ZNF236: variants seen among roughly 807,000 people sequenced by gnomAD.
ZNF236 encodes the protein regulated by glucose.
ZNF236 carries 50 observed loss-of-function variants against 191.2 expected under a neutral mutation model. The observed-to-expected ratio is 0.26, with a 90% CI of 0.21 to 0.33. ZNF236 has a LOEUF of 0.33. Ranked by LOEUF, ZNF236 falls within the 10% of genes least tolerant of loss-of-function variation. The pLI is 1.00. For missense variants in ZNF236, 1,754 were observed against 2,374.5 expected, an observed-to-expected ratio of 0.74 and a Z score of 5.43; for synonymous variants, 907 against 928.8, an observed-to-expected ratio of 0.98 and a Z score of 0.43.
chr18:76,823,056 T>G (rs1974907347), intron 1 of ZNF236, among the ~76,000 whole-genome samples: 1 of 149,556 alleles, frequency 6.7e-6, no homozygotes, highest in Non-Finnish European at 1.5e-5. Context: ...CGGGGCGCGC[T>G]GGGGAGGCGG....
At chr18:76,851,687 A>G in intron 2 of ZNF236, 88 bp from the exon 3 acceptor site, 1 of 1,408,716 alleles carries the variant, frequency 7.1e-7, no homozygotes, top group Non-Finnish European at 9.5e-7. Context: ...TCTGTACATT[A>G]TGGTACTTGT....
intron 1 of ZNF236, chr18:76,834,466 T>TTCC: frequency 2.6e-6 from 1 of 390,074 alleles, no homozygotes; most frequent in Non-Finnish European, 5.0e-6. Context: ...TTCCTTATAT[T>TTCC]TGCCCTTTTA....
At chr18:76,941,265 C>T (rs1038702825) in intron 26 of ZNF236, among the ~76,000 whole-genome samples, 4 of 152,102 alleles carry the variant, frequency 2.6e-5, no homozygotes, top group South Asian at 2.1e-4. Context: ...TGGCCCATTT[C>T]GGGGCCTGCT....
In ZNF236 at chr18:76,969,938, T is replaced by C. The variant is rs1389098547; in HGVS notation, c.*1599T>C. 1.3e-5 allele frequency: 2 copies of C among 152,558 alleles called. No homozygotes were observed. The highest frequency in any genetic ancestry group is 3.8e-4 in the East Asian group (2 of 5,202). 9.5% of individuals were successfully genotyped at this position (152,558 alleles called of 1,614,324 possible). On this transcript the variant is annotated 3_prime_UTR_variant, in exon 31 of 31. Transcript: ENST00000320610. ...TCCAAACTGCTTTGTGTATTGTATA[T>C]TTTTTTAAGAAAAAGAAAAGCCTTA...
At chr18:76,936,986 A>T (rs1396627309) in intron 25 of ZNF236, among the ~76,000 whole-genome samples, 170 bp from the exon 26 acceptor site, 1 of 152,238 alleles carries the variant, frequency 6.6e-6, no homozygotes, top group East Asian at 1.9e-4. Flanking sequence ...AAACTAAGAA[A>T]AGCCTTATCC....
At chr18:76,959,485 C>T (rs470563) in intron 28 of ZNF236, among the ~76,000 whole-genome samples, 74,934 of 152,012 alleles carry the variant, frequency 0.49, 20,326 homozygotes, top group Non-Finnish European at 0.61. Context: ...AGATGGGGAC[C>T]GGAGTCTCCC....
rs764347067 is a variant in ZNF236 at position 76,881,502 on chromosome 18, G to A, written c.1407G>A (p.Pro469=). Reference sequence around the variant, plus strand: ...AAAAAATGATAAAGAAGAAGTCACCGTTTCTACCTGGTAATTTTCCTAAAC... The same window carrying A: ...AAAAAATGATAAAGAAGAAGTCACCATTTCTACCTGGTAATTTTCCTAAAC... ...KEKKMIKKKS[P]FLPGSIREEN... is the part of the protein sequence containing the mutation. Residue 469 remains proline (P), a synonymous_variant, in exon 9 of 31, where the codon CCG becomes CCA. Coordinates refer to ENST00000320610, the MANE Select transcript of ZNF236 (RefSeq NM_001306089.2). 13 of 1,609,244 alleles carry A rather than the reference G, an allele frequency of 8.1e-6. No individual in the cohort carries two copies. The East Asian group carries it at 8.9e-5, about 11-fold the overall frequency.
intron 3 of ZNF236, among the ~76,000 whole-genome samples, chr18:76,857,733 GTC>G (rs1242530575): frequency 6.6e-6 from 1 of 152,060 alleles, no homozygotes; most frequent in Non-Finnish European, 1.5e-5. Flanking sequence ...TCTCTGCTGT[GTC>G]TCTCTTTGTA....
In ZNF236 at chr18:76,875,917, T is replaced by C. The variant is rs1361731323; in HGVS notation, c.840+253T>C. 6.6e-6 allele frequency among the ~76,000 whole-genome samples: 1 copy of C among 152,254 alleles called. No individual in the cohort carries two copies. Among genetic ancestry groups the C allele is most frequent in the Admixed American group, 6.5e-5 (1 of 15,288 alleles). On this transcript the variant is annotated intron_variant, in intron 6 of 30. Coordinates refer to ENST00000320610, the MANE Select transcript of ZNF236 (RefSeq NM_001306089.2). This position sits in a 1 kb window ranked among gnomAD's most constrained non-coding sequence, Gnocchi z 4.3. ...TTGGGGAATAAATATTTGAAAATAA[T>C]CCTAATACCTTTGTTAGTTATAGTC...
At chr18:76,945,403 A>G (rs1218732211) in intron 26 of ZNF236, among the ~76,000 whole-genome samples, 1 of 152,256 alleles carries the variant, frequency 6.6e-6, no homozygotes, top group Non-Finnish European at 1.5e-5. Context: ...ACATGTCACA[A>G]AAAAGTATAG....
intron 22 of ZNF236, among the ~76,000 whole-genome samples, chr18:76,926,079 C>G (rs1477043992): frequency 6.6e-6 from 1 of 152,176 alleles, no homozygotes; most frequent in Non-Finnish European, 1.5e-5. Context: ...CTGACCACCA[C>G]TCAGTAGTAG....
chr18:76,920,787 C>T (rs1262322586), intron 20 of ZNF236, among the ~76,000 whole-genome samples: 1 of 152,116 alleles, frequency 6.6e-6, no homozygotes. Flanking sequence ...GGCCAAACAG[C>T]AGTGGCTGAT....
intron 25 of ZNF236, 41 bp from the exon 26 acceptor site, chr18:76,937,115 C>G: frequency 6.3e-7 from 1 of 1,590,726 alleles, no homozygotes; most frequent in Non-Finnish European, 8.6e-7. Context: ...CTGGACTTGT[C>G]TGGCCTTCCC....
intron 4 of ZNF236, 43 bp downstream of exon 4, chr18:76,868,906 TGTTA>T (rs1439382300): frequency 6.5e-7 from 1 of 1,526,968 alleles, no homozygotes; most frequent in East Asian, 2.3e-5. Context: ...CCATCTAATA[TGTTA>T]AAAGCTGGCG....
Position 76,901,802 on chromosome 18 carries a change from G to C in ZNF236, c.1895-2578G>C, listed in dbSNP as rs140013877. On this transcript the variant is annotated intron_variant, in intron 11 of 30. Transcript: ENST00000320610. ...TAATTTAATATACGAATTGTACTAA[G>C]CTTCCTAGGAACTATAATTGTTATG... Among the ~76,000 whole-genome samples the C allele has an allele frequency of 3.3e-5, 5 of 151,998 alleles. No homozygotes were observed. In the East Asian group the frequency reaches 9.7e-4, roughly 29 times the overall value.
At chr18:76,906,287 C>T (rs1240009326) in intron 13 of ZNF236, among the ~76,000 whole-genome samples, 3 of 152,186 alleles carry the variant, frequency 2.0e-5, no homozygotes, top group Non-Finnish European at 2.9e-5. Flanking sequence ...AATTTACCTG[C>T]TGCTTGAGAC....
intron 20 of ZNF236, 124 bp downstream of exon 20, chr18:76,920,182 G>A: frequency 8.9e-7 from 1 of 1,117,584 alleles, no homozygotes; most frequent in Non-Finnish European, 1.3e-6. Flanking sequence ...CCTGAGTGAT[G>A]GCAGCTTACT....
At chr18:76,857,232 G>C (rs1976067600) in intron 3 of ZNF236, among the ~76,000 whole-genome samples, 1 of 152,146 alleles carries the variant, frequency 6.6e-6, no homozygotes, top group Admixed American at 6.6e-5. Flanking sequence ...GCGCCTGGCA[G>C]CACCAGCATT....
intron 21 of ZNF236, among the ~76,000 whole-genome samples, chr18:76,924,218 C>T (rs189872538): frequency 4.6e-5 from 7 of 152,260 alleles, no homozygotes; most frequent in East Asian, 1.9e-4. Context: ...ATGGAGGGCC[C>T]GGCATCACTT....
Sources: gnomAD v4.1 joint callset for allele counts (sites outside exome capture counted in the v4.1 genomes callset) on GRCh38, gnomAD v4.1.1 for gene constraint, Gnocchi (gnomAD v3.1) non-coding constraint, MANE v1.5 for transcripts, NCBI Gene and HGNC (gene_info 2026-07-23, HGNC 2026-07-21) for gene names.